Variants in MARCHF10 observed in about 807,000 individuals in gnomAD.
MARCHF10 encodes the protein membrane associated ring-CH-type finger 10.
Under a neutral mutation model 76.2 loss-of-function variants are expected in MARCHF10, and 64 were observed. The ratio of observed to expected loss-of-function variants is 0.84; its 90% confidence interval spans 0.69 to 1.03. The LOEUF is 1.03. Ranked by LOEUF, MARCHF10 falls within the 50% of genes least tolerant of loss-of-function variation. The pLI is 0.00. For missense variants in MARCHF10, 875 were observed against 958.0 expected (o/e 0.91, Z 1.14); for synonymous variants, 340 against 357.5 (o/e 0.95, Z 0.55).
intron 8 of MARCHF10, among the ~76,000 whole-genome samples, chr17:62,716,136 G>C (rs973209755): frequency 3.3e-5 from 5 of 152,240 alleles, no homozygotes; most frequent in Non-Finnish European, 5.9e-5. Flanking sequence ...TCCCACAGCT[G>C]TTCCCGCAGC....
At chr17:62,798,431 C>T (rs941537372) in intron 2 of MARCHF10, among the ~76,000 whole-genome samples, 3 of 146,778 alleles carry the variant, frequency 2.0e-5, no homozygotes, top group African/African-American at 7.6e-5. Context: ...CGAGACCAGC[C>T]TGGGAAACAT....
At chr17:62,730,489 CTAGA>C (rs913908664) in intron 6 of MARCHF10, among the ~76,000 whole-genome samples, 9 of 152,312 alleles carry the variant, frequency 5.9e-5, no homozygotes, top group African/African-American at 1.4e-4. Context: ...TTACTGTATG[CTAGA>C]TAGTCTATGA....
In MARCHF10 at chr17:62,711,080, C is replaced by A; in HGVS notation, c.2328+151G>T. The A allele has an allele frequency of 1.6e-6, 1 of 639,740 alleles. No homozygotes were observed. Among genetic ancestry groups the A allele is most frequent in the Non-Finnish European group, 2.8e-6 (1 of 360,360 alleles). The allele number at this position is 639,740 out of a possible 1,614,324, so 39.6% of individuals were successfully genotyped here. ...CAGCCAGAGGGTCACCATGTGTACA[C>A]TTAGCAGCTGCTAAATCTTAGTCCT... On this transcript the variant is annotated intron_variant, in intron 9 of 10. Coordinates refer to ENST00000311269, the MANE Select transcript of MARCHF10 (RefSeq NM_152598.4). The surrounding 1 kb of genome is among the most constrained non-coding windows in gnomAD (Gnocchi z 4.4).
At chr17:62,791,124 C>CA (rs1247744863) in intron 2 of MARCHF10, among the ~76,000 whole-genome samples, 1 of 152,098 alleles carries the variant, frequency 6.6e-6, no homozygotes, top group Non-Finnish European at 1.5e-5. Flanking sequence ...ACAAAACAAA[C>CA]AAAAAACACC....
chr17:62,781,178 G>A lies in MARCHF10; in HGVS notation c.210+7302C>T, dbSNP rs115404808. Among the ~76,000 whole-genome samples the A allele has an allele frequency of 5.3e-3, 807 of 152,254 alleles. 5 individuals are homozygous for A. Among genetic ancestry groups the A allele is most frequent in the African/African-American group, 0.018 (767 of 41,550 alleles). Reference sequence around the variant, plus strand: ...AACTCTGAAAAGGCTCTAAAATTAAGTTGCCATATTAGGTTGGCTTTTAAA... The same window carrying A: ...AACTCTGAAAAGGCTCTAAAATTAAATTGCCATATTAGGTTGGCTTTTAAA... On this transcript the variant is annotated intron_variant, in intron 3 of 10. Coordinates refer to ENST00000311269, the MANE Select transcript of MARCHF10 (RefSeq NM_152598.4).
rs528628658 is a variant in MARCHF10, at chr17:62,719,500, A to T, written c.2214+2988T>A. ...CATGCTTTCTGGGAAGTCAGATGTC[A>T]TTCTTATCTTTACTCCCCTTTAGGG... On this transcript the variant is annotated intron_variant, in intron 8 of 10. Coordinates refer to ENST00000311269, the MANE Select transcript of MARCHF10 (RefSeq NM_152598.4). Among the ~76,000 whole-genome samples the T allele has an allele frequency of 3.3e-5, 5 of 152,092 alleles. No homozygotes were observed. The South Asian group carries it at 1.0e-3, about 32-fold the overall frequency.
At chr17:62,744,302 A>C (rs2091623129) in intron 5 of MARCHF10, 74 bp downstream of exon 5, 5 of 1,495,136 alleles carry the variant, frequency 3.3e-6, no homozygotes, top group Non-Finnish European at 4.5e-6. Context: ...AAAAACCATA[A>C]AGAATTCACC....
chr17:62,753,561 C>T (rs1002670945), intron 4 of MARCHF10, among the ~76,000 whole-genome samples: 1 of 152,212 alleles, frequency 6.6e-6, no homozygotes, highest in Non-Finnish European at 1.5e-5. Context: ...CCTGGGGACA[C>T]TTGGAGCACA....
intron 2 of MARCHF10, among the ~76,000 whole-genome samples, chr17:62,792,540 A>C (rs2092863498): frequency 6.6e-6 from 1 of 150,710 alleles, no homozygotes; most frequent in South Asian, 2.1e-4. Flanking sequence ...CATCACCACC[A>C]CCACCTGCAC....
chr17:62,717,520 C>T (rs975325171), intron 8 of MARCHF10, among the ~76,000 whole-genome samples: 6 of 152,248 alleles, frequency 3.9e-5, no homozygotes, highest in African/African-American at 7.2e-5. Context: ...TTTCCCCAGC[C>T]GGGCTTCCTT....
chr17:62,724,672 A>G lies in MARCHF10; in HGVS notation c.2104+266T>C, dbSNP rs2090662437. ...AGGCCTCAAGCAGAGGTAGAATTCA[A>G]TAGCATTTGTTCCCAGGAGTCTTCT... On this transcript the variant is annotated intron_variant, in intron 7 of 10. Coordinates refer to ENST00000311269, the MANE Select transcript of MARCHF10 (RefSeq NM_152598.4). 4.6e-5 allele frequency among the ~76,000 whole-genome samples: 7 copies of G among 152,278 alleles called. No homozygotes were observed. In the South Asian group the frequency reaches 1.2e-3, roughly 27 times the overall value.
chr17:62,745,206 C>T (rs1431352507), intron 4 of MARCHF10, among the ~76,000 whole-genome samples: 4 of 150,672 alleles, frequency 2.7e-5, no homozygotes, highest in African/African-American at 7.3e-5. Flanking sequence ...CAGGTGCAAG[C>T]GATTCTCCTG....
At chr17:62,742,696 T>C (rs28504456) in intron 5 of MARCHF10, among the ~76,000 whole-genome samples, 4 of 104,976 alleles carry the variant, frequency 3.8e-5, no homozygotes, top group Admixed American at 1.0e-4. Flanking sequence ...CTTTCTTTTT[T>C]CTTTTTTCTT....
intron 3 of MARCHF10, among the ~76,000 whole-genome samples, chr17:62,763,062 A>G (rs1217793302): frequency 6.6e-6 from 1 of 152,184 alleles, no homozygotes; most frequent in African/African-American, 2.4e-5. Context: ...AATAGTATCT[A>G]CCTTTTGGTG....
At chr17:62,745,037 C>T (rs1429232215) in intron 4 of MARCHF10, among the ~76,000 whole-genome samples, 8 of 149,742 alleles carry the variant, frequency 5.3e-5, no homozygotes, top group Non-Finnish European at 1.0e-4. Flanking sequence ...TCATAAGCAC[C>T]CATGATGCCT....
intron 2 of MARCHF10, among the ~76,000 whole-genome samples, chr17:62,790,278 C>A (rs1010876536): frequency 2.2e-4 from 33 of 152,108 alleles, no homozygotes; most frequent in African/African-American, 7.5e-4. Context: ...CTGGTTCAAG[C>A]GATTCTCCTG....
intron 4 of MARCHF10, among the ~76,000 whole-genome samples, chr17:62,751,786 C>T (rs570784268): frequency 2.6e-5 from 4 of 152,104 alleles, no homozygotes; most frequent in African/African-American, 7.2e-5. Context: ...TTTGGGAGAC[C>T]GAAGCAGGCG....
chr17:62,750,942 C>T (rs2091879542), intron 4 of MARCHF10, among the ~76,000 whole-genome samples: 1 of 152,212 alleles, frequency 6.6e-6, no homozygotes, highest in Non-Finnish European at 1.5e-5. Context: ...TCCCTCAATC[C>T]TCCAGCTGCC....
In MARCHF10 at chr17:62,736,838, A is replaced by C; in HGVS notation, c.1030T>G (p.Ser344Ala). The C allele has an allele frequency of 6.2e-7, 1 of 1,613,970 alleles. No homozygotes were observed. Among genetic ancestry groups the C allele is most frequent in the Non-Finnish European group, 8.5e-7 (1 of 1,179,920 alleles). The stretch of plus-strand genomic sequence containing the variant: ...CCATGACTGGGCTCACTTCTTCTTG[A>C]AGAATGACCTCTGCAATTTTCAGCA... Reference protein sequence around the residue: ...ENAENCRGHSSRRSEPSHGSL... With the variant: ...ENAENCRGHSARRSEPSHGSL... The change falls in exon 6 of 11, where the codon TCA becomes GCA. Residue 344 changes from serine (S) to alanine (A), a missense_variant. Physicochemically the swap from Ser to Ala is moderately conservative, Grantham distance 99. Transcript: ENST00000311269.
Sources: allele counts gnomAD v4.1 joint callset (sites outside exome capture counted in the v4.1 genomes callset), GRCh38; gene constraint gnomAD v4.1.1; non-coding constraint Gnocchi (gnomAD v3.1); transcripts MANE v1.5; gene names NCBI Gene and HGNC (gene_info 2026-07-23, HGNC 2026-07-21).